The following PRKCB variants were observed in gnomAD, a reference collection of about 807,000 sequenced individuals.
The protein encoded by PRKCB is protein kinase C beta type.
PRKCB carries 13 observed loss-of-function variants against 81.5 expected under a neutral mutation model. That is an observed-to-expected ratio of 0.16 (90% confidence interval 0.10 to 0.25). PRKCB has a LOEUF of 0.25. PRKCB is among the 10% of genes least tolerant of loss of function. The pLI, the probability that PRKCB is intolerant of heterozygous loss-of-function variation, is 1.00. For missense variants in PRKCB, 509 were observed against 875.7 expected (o/e 0.58, Z 5.29); for synonymous variants, 335 against 321.4 (o/e 1.04, Z -0.45).
At chr16:24,095,156 T>C (rs1966424928) in intron 7 of PRKCB, among the ~76,000 whole-genome samples, 1 of 152,208 alleles carries the variant, frequency 6.6e-6, no homozygotes, top group Non-Finnish European at 1.5e-5. Flanking sequence ...GGCTTCTTTG[T>C]GCCTGCTGCC....
intron 2 of PRKCB, among the ~76,000 whole-genome samples, chr16:23,865,322 G>A (rs1962753943): frequency 2.0e-5 from 2 of 99,064 alleles, no homozygotes; most frequent in Non-Finnish European, 4.1e-5. Flanking sequence ...TTTGTTTTTT[G>A]GACAGGATCT....
chr16:24,144,200 C>T (rs1040484384), intron 9 of PRKCB, among the ~76,000 whole-genome samples: 18 of 151,596 alleles, frequency 1.2e-4, no homozygotes, highest in Admixed American at 4.0e-4. Flanking sequence ...GAAAAGAGAA[C>T]GAAGGAGAGA....
chr16:23,836,733 G>A (rs919800613), intron 1 of PRKCB, among the ~76,000 whole-genome samples: 2 of 150,716 alleles, frequency 1.3e-5, no homozygotes, highest in Admixed American at 1.3e-4. Flanking sequence ...CCTGCTTCCG[G>A]GCGCGAGGAG....
Position 24,172,379 on chromosome 16 carries a change from CT to C in PRKCB, c.1331+19del. ...CATGCTGTGTAAGTGAGAACTAGTG[CT>C]GTGCTTTCTCCTTGGGATAAATGGG... On this transcript the variant is annotated intron_variant, in intron 11 of 16. Transcript: ENST00000643927. 1 of 1,606,482 alleles carries C rather than the reference CT, an allele frequency of 6.2e-7. No individual in the cohort carries two copies.
chr16:23,981,588 TCCTTC>T (rs1458059007), intron 2 of PRKCB, among the ~76,000 whole-genome samples: 49 of 56,998 alleles, frequency 8.6e-4, no homozygotes, highest in Middle Eastern at 0.015. Context: ...TCCTTTCCTT[TCCTTC>T]CCTTCCCTTC....
intron 3 of PRKCB, among the ~76,000 whole-genome samples, chr16:24,009,668 C>T (rs1292719504): frequency 1.3e-5 from 2 of 151,614 alleles, no homozygotes; most frequent in Admixed American, 6.6e-5. Context: ...GGCAGGAATA[C>T]AAAATGTTGC....
chr16:23,955,883 A>T (rs886650405), intron 2 of PRKCB, among the ~76,000 whole-genome samples: 1 of 152,086 alleles, frequency 6.6e-6, no homozygotes, highest in African/African-American at 2.4e-5. Flanking sequence ...TCTTCATTCA[A>T]TGTGAGATAC....
At chr16:23,869,457 T>C (rs375402175) in intron 2 of PRKCB, 4 of 165,934 alleles carry the variant, frequency 2.4e-5, no homozygotes, top group African/African-American at 7.1e-5. Context: ...AGCCAGTAAC[T>C]TGACTAAGCT....
intron 3 of PRKCB, among the ~76,000 whole-genome samples, chr16:24,002,309 G>T (rs914952954): frequency 7.3e-6 from 1 of 137,518 alleles, no homozygotes; most frequent in Non-Finnish European, 1.6e-5. Context: ...GTGTGTGTGT[G>T]TGTATGTGTG....
At chr16:24,002,201 G>A (rs1965043790) in intron 3 of PRKCB, among the ~76,000 whole-genome samples, 1 of 152,082 alleles carries the variant, frequency 6.6e-6, no homozygotes, top group Non-Finnish European at 1.5e-5. Flanking sequence ...GTCGATCTGG[G>A]CATTTCATTT....
chr16:24,086,798 G>T (rs960418586), intron 5 of PRKCB, among the ~76,000 whole-genome samples: 1 of 151,992 alleles, frequency 6.6e-6, no homozygotes, highest in Non-Finnish European at 1.5e-5. Context: ...TCAATTTTGG[G>T]TATATCTTTT....
chr16:23,917,642 G>A (rs770414839), intron 2 of PRKCB, among the ~76,000 whole-genome samples: 10 of 152,196 alleles, frequency 6.6e-5, no homozygotes, highest in Non-Finnish European at 1.0e-4. Flanking sequence ...GCCAGGTGGC[G>A]GTCACTGGTG....
chr16:23,930,641 A>G (rs1316248539), intron 2 of PRKCB, among the ~76,000 whole-genome samples: 1 of 152,098 alleles, frequency 6.6e-6, no homozygotes, highest in African/African-American at 2.4e-5. Flanking sequence ...AAGAAATTAA[A>G]TTCAGCTTTC....
At chr16:23,875,480 G>GATATATATATATAT (rs71381624) in intron 2 of PRKCB, among the ~76,000 whole-genome samples, 111 of 4,608 alleles carry the variant, frequency 0.024, 2 homozygotes, top group East Asian at 0.17. Flanking sequence ...CAACTAAAAA[G>GATATATATATATAT]ATATATATAT....
In PRKCB at chr16:24,016,855, T is replaced by A. The variant is rs376961591; in HGVS notation, c.289-15281T>A. 1.4e-4 allele frequency among the ~76,000 whole-genome samples: 22 copies of A among 152,352 alleles called. 5 individuals carry two copies. Among genetic ancestry groups the A allele is most frequent in the Admixed American group, 3.3e-4 (5 of 15,304 alleles). On this transcript the variant is annotated intron_variant, in intron 3 of 16. Coordinates refer to ENST00000643927, the MANE Select transcript of PRKCB (RefSeq NM_002738.7). ...CACAATTCCTTATTCTAAATTCTGA[T>A]TGGCCCAGTTCTTCCTTCATAAATT...
At chr16:24,162,211 G>T (rs913339558) in intron 10 of PRKCB, among the ~76,000 whole-genome samples, 1 of 152,014 alleles carries the variant, frequency 6.6e-6, no homozygotes, top group African/African-American at 2.4e-5. Flanking sequence ...ATGTAGAGTG[G>T]ACCCCTGATG....
intron 5 of PRKCB, among the ~76,000 whole-genome samples, chr16:24,038,685 G>A (rs1567353109): frequency 6.6e-6 from 1 of 152,220 alleles, no homozygotes; most frequent in Non-Finnish European, 1.5e-5. Flanking sequence ...CCAAGATGGG[G>A]ATTTTGTTCC....
At chr16:24,205,279 A>G (rs1968028278) in intron 16 of PRKCB, among the ~76,000 whole-genome samples, 1 of 151,318 alleles carries the variant, frequency 6.6e-6, no homozygotes, top group Non-Finnish European at 1.5e-5. Flanking sequence ...AGCCTCTTGA[A>G]CAGCTGGGAC....
intron 2 of PRKCB, among the ~76,000 whole-genome samples, chr16:23,881,996 T>TTCTTTCTTTCTTTCTTTCTTTC (rs1567300979): frequency 4.8e-5 from 3 of 63,024 alleles, no homozygotes; most frequent in African/African-American, 1.8e-4. Flanking sequence ...CTTTCTTTCT[T>TTCTTTCTTTCTTTCTTTCTTTC]TCTTTCTTTC....
Sources: gnomAD v4.1 joint callset for allele counts (sites outside exome capture counted in the v4.1 genomes callset) on GRCh38, gnomAD v4.1.1 for gene constraint, MANE v1.5 for transcripts, NCBI Gene and HGNC (gene_info 2026-07-23, HGNC 2026-07-21) for gene names.